The following SAMHD1 variants were observed in gnomAD, a reference collection of about 807,000 sequenced individuals.
The protein encoded by SAMHD1 is deoxynucleoside triphosphate triphosphohydrolase SAMHD1.
Under a neutral mutation model 79.6 loss-of-function variants are expected in SAMHD1, and 54 were observed. The observed-to-expected ratio is 0.68, with a 90% CI of 0.55 to 0.85. SAMHD1 has a LOEUF of 0.85. Ranked by LOEUF, SAMHD1 falls within the 40% of genes least tolerant of loss-of-function variation. The pLI, the probability that SAMHD1 is intolerant of heterozygous loss-of-function variation, is 0.00. For synonymous variants in SAMHD1, 260 were observed against 264.1 expected (o/e 0.98, Z 0.15); for missense variants, 663 against 782.7 (o/e 0.85, Z 1.82).
Position 36,935,501 on chromosome 20 carries a change from G to A in SAMHD1, c.349-312C>T, listed in dbSNP as rs144971276. The A allele has an allele frequency of 1.0e-4, 38 of 368,776 alleles. 1 individual carries two copies. Among genetic ancestry groups the A allele is most frequent in the African/African-American group, 6.7e-4 (32 of 47,708 alleles). The allele number at this position is 368,776 out of a possible 1,614,324, so 22.8% of individuals were successfully genotyped here. A position where few individuals can be genotyped will look rare whatever the true frequency, so the allele number is the denominator to read the frequency against. ...TTTGTCTTGTATTCAAGTTAAACAT[G>A]CATATTCATTTCGATTTAAACACAT... On this transcript the variant is annotated intron_variant, in intron 3 of 15. Coordinates refer to ENST00000646673, the MANE Select transcript of SAMHD1 (RefSeq NM_015474.4).
intron 9 of SAMHD1, among the ~76,000 whole-genome samples, chr20:36,915,556 G>T (rs531468035): frequency 5.3e-5 from 8 of 152,116 alleles, no homozygotes; most frequent in Admixed American, 5.2e-4. Context: ...GGCCAACATG[G>T]TGAAACCCTG....
At chr20:36,911,471 G>T in intron 10 of SAMHD1, 138 bp from the exon 11 acceptor site, 1 of 659,818 alleles carries the variant, frequency 1.5e-6, no homozygotes, top group Middle Eastern at 4.0e-4. Context: ...CTTCTCCACC[G>T]TACTAAATTT....
chr20:36,942,034 C>T (rs1050532044), intron 2 of SAMHD1, among the ~76,000 whole-genome samples: 3 of 152,084 alleles, frequency 2.0e-5, no homozygotes, highest in Non-Finnish European at 4.4e-5. Flanking sequence ...TGAGCAAAAC[C>T]GGAGTCATAG....
At chr20:36,893,609 C>A (rs749662092) in intron 15 of SAMHD1, 3 of 335,200 alleles carry the variant, frequency 8.9e-6, no homozygotes, top group Non-Finnish European at 1.6e-5. Context: ...CAAAGGGAGG[C>A]GATACAATGA....
intron 4 of SAMHD1, among the ~76,000 whole-genome samples, chr20:36,932,373 A>AAAG: frequency 7.6e-6 from 1 of 132,118 alleles, no homozygotes; most frequent in African/African-American, 2.7e-5. Context: ...AAAAAAAAAA[A>AAAG]GTAGAATGGT....
At chr20:36,921,574 T>G (rs1404727205) in intron 6 of SAMHD1, among the ~76,000 whole-genome samples, 1 of 151,848 alleles carries the variant, frequency 6.6e-6, no homozygotes, top group Non-Finnish European at 1.5e-5. Flanking sequence ...CTATGAAGGA[T>G]GCATCACTGA....
intron 1 of SAMHD1, chr20:36,947,077 G>A (rs2063691254): frequency 5.8e-6 from 2 of 346,548 alleles, no homozygotes; most frequent in East Asian, 1.3e-4. Context: ...AAAAAGGAAA[G>A]TGAAACCCGA....
At chr20:36,924,695 T>TA (rs1481611828) in intron 6 of SAMHD1, among the ~76,000 whole-genome samples, 2 of 152,156 alleles carry the variant, frequency 1.3e-5, no homozygotes, top group Non-Finnish European at 1.5e-5. Flanking sequence ...CCTGATAATG[T>TA]AAAGGGGCTC....
chr20:36,897,922 A>G lies in SAMHD1; in HGVS notation c.1646T>C (p.Leu549Pro). Residue 549 changes from leucine (L) to proline (P), a missense_variant, in exon 15 of 16, where the codon CTG (leucine) becomes CCG (proline). Physicochemically the swap from Leu to Pro is moderately conservative, Grantham distance 98. Coordinates refer to ENST00000646673, the MANE Select transcript of SAMHD1 (RefSeq NM_015474.4). ...QLLPEKFAEQ[L>P]IRVYCKKVDR... ...CACCTTCTTACAATATACTCGAATC[A>G]GCTGCTCTGCAAATTTCTCTGGCAG... 6.2e-7 allele frequency: 1 copy of G among 1,614,264 alleles called. No individual in the cohort carries two copies. The highest frequency in any genetic ancestry group is 8.5e-7 in the Non-Finnish European group (1 of 1,180,056).
chr20:36,911,222 C>A lies in SAMHD1; in HGVS notation c.1266G>T (p.Leu422=). 1 of 1,606,926 alleles carries A rather than the reference C, an allele frequency of 6.2e-7. No homozygotes were observed. Among genetic ancestry groups the A allele is most frequent in the Non-Finnish European group, 8.5e-7 (1 of 1,173,980 alleles). The change falls in exon 11 of 16, where the codon CTG becomes CTT. Residue 422 remains leucine (L), a synonymous_variant. Transcript: ENST00000646673. ...ATGTTACCTGTTACTTCTTACCTGT[C>A]AGCTTAGTATAGGCTTCCATGTCGT... is the stretch of plus-strand genomic sequence containing the variant. The part of the protein sequence containing the change: ...AIDDMEAYTK[L]TDNIFLEILY...
chr20:36,948,995 T>C (rs1164241724), intron 1 of SAMHD1, among the ~76,000 whole-genome samples: 1 of 151,840 alleles, frequency 6.6e-6, no homozygotes, highest in Non-Finnish European at 1.5e-5. Context: ...CCGGGCGCGG[T>C]GGCTCACGCC....
chr20:36,897,693 G>A, intron 15 of SAMHD1, 129 bp downstream of exon 15: 1 of 1,007,668 alleles, frequency 9.9e-7, no homozygotes, highest in South Asian at 1.4e-5. Flanking sequence ...GAAAGTGAAA[G>A]ACCTTATTTT....
intron 6 of SAMHD1, 190 bp downstream of exon 6, chr20:36,926,992 A>G (rs1324449073): frequency 1.8e-6 from 1 of 560,572 alleles, no homozygotes; most frequent in African/African-American, 1.9e-5. Flanking sequence ...GGAGATAACG[A>G]TAACTTCCTT....
rs764260188 is a variant in SAMHD1, at chr20:36,898,499, G to C, written c.1549C>G (p.His517Asp). 1 of 1,613,854 alleles carries C rather than the reference G, an allele frequency of 6.2e-7. No homozygotes were observed. The highest frequency in any genetic ancestry group is 1.3e-5 in the African/African-American group (1 of 74,884). The change falls in exon 14 of 16, where the codon CAT becomes GAT. Residue 517 changes from histidine (H) to aspartate (D), a missense_variant. His to Asp is a moderately conservative substitution (Grantham distance 81, BLOSUM62 -1). Transcript: ENST00000646673. The part of the protein sequence containing the change: ...YGMQEKNPID[H>D]VSFYCKTAPN... ...GCAGTCTTACAATAGAAGCTAACATGATCAATTGGATTCTTTTCTTGCATT... is the reference window on the plus strand; with the variant it reads ...GCAGTCTTACAATAGAAGCTAACATCATCAATTGGATTCTTTTCTTGCATT...
chr20:36,931,155 C>A, intron 4 of SAMHD1: 1 of 428,162 alleles, frequency 2.3e-6, no homozygotes, highest in Non-Finnish European at 4.4e-6. Context: ...AAAAAGAAAA[C>A]CAGAAAATAA....
intron 9 of SAMHD1, 49 bp from the exon 10 acceptor site, chr20:36,912,601 G>T (rs771703959): frequency 1.5e-6 from 2 of 1,298,102 alleles, no homozygotes; most frequent in Non-Finnish European, 2.2e-6. Context: ...TTATGTTAAC[G>T]TTATTAGAGA....
chr20:36,937,396 A>T (rs997404801), intron 3 of SAMHD1, among the ~76,000 whole-genome samples: 4 of 152,162 alleles, frequency 2.6e-5, no homozygotes, highest in African/African-American at 4.8e-5. Context: ...AAAACTTAAA[A>T]CTTTTGTGAT....
rs1208744817 is a variant in SAMHD1, at chr20:36,898,561, C to T, written c.1504-17G>A. On this transcript the variant is annotated splice_polypyrimidine_tract_variant and intron_variant, in intron 13 of 15. Transcript: ENST00000646673. ...GTTGATAACCTAAATAAAAGCAATT[C>T]ACAAGTAATCATATAGCAAGCAGGA... is the stretch of plus-strand genomic sequence containing the variant. 5 of 1,572,514 alleles carry T rather than the reference C, an allele frequency of 3.2e-6. No individual in the cohort carries two copies. The African/African-American group carries it at 6.7e-5, about 21-fold the overall frequency.
At chr20:36,941,237 A>C in intron 2 of SAMHD1, 126 bp from the exon 3 acceptor site, 2 of 724,762 alleles carry the variant, frequency 2.8e-6, no homozygotes, top group Non-Finnish European at 4.9e-6. Flanking sequence ...AGGAACAATC[A>C]ATAATTCAAA....
Sources: gnomAD v4.1 joint callset for allele counts (sites outside exome capture counted in the v4.1 genomes callset) on GRCh38, gnomAD v4.1.1 for gene constraint, MANE v1.5 for transcripts, NCBI Gene and HGNC (gene_info 2026-07-23, HGNC 2026-07-21) for gene names.